Variants in LPCAT2 observed in about 807,000 individuals in gnomAD.
The protein encoded by LPCAT2 is lysophosphatidylcholine acyltransferase 2.
In LPCAT2, 58 loss-of-function variants were observed where a neutral mutation model predicts 64.7. The observed-to-expected ratio is 0.90, with a 90% CI of 0.73 to 1.12. LPCAT2 has a LOEUF of 1.12. Among genes scored for constraint, LPCAT2 ranks in the 50% most tolerant of loss-of-function variants. The pLI is 0.00. For synonymous variants in LPCAT2, 252 were observed against 245.3 expected (o/e 1.03, Z -0.26); for missense variants, 579 against 669.8 (o/e 0.86, Z 1.50).
At position 55,540,960 on chromosome 16, in the gene LPCAT2, A is replaced by G. The variant is rs541849239; in HGVS notation, c.852+3328A>G. 2.0e-5 allele frequency: 3 copies of G among 152,898 alleles called. No homozygotes were observed. In the East Asian group the frequency reaches 5.7e-4, roughly 29 times the overall value. 9.5% of individuals were successfully genotyped at this position (152,898 alleles called of 1,614,324 possible). A position where few individuals can be genotyped will look rare whatever the true frequency, so the allele number is the denominator to read the frequency against. ...TGAATGTGGTCTCTCTCTCTCTGTC[A>G]ACATCTCATTGTACTATATTCATCC... On this transcript the variant is annotated intron_variant, in intron 8 of 13. Transcript: ENST00000262134.
chr16:55,530,623 T>C (rs1417080476), intron 4 of LPCAT2, among the ~76,000 whole-genome samples: 1 of 152,104 alleles, frequency 6.6e-6, no homozygotes, highest in Non-Finnish European at 1.5e-5. Context: ...CCACACATGA[T>C]GACATGAAGA....
intron 1 of LPCAT2, among the ~76,000 whole-genome samples, chr16:55,513,634 G>A (rs766031981): frequency 1.4e-4 from 21 of 152,082 alleles, no homozygotes; most frequent in Non-Finnish European, 2.5e-4. Context: ...AGTAGGCTTC[G>A]TTACAGTTTA....
intron 11 of LPCAT2, among the ~76,000 whole-genome samples, chr16:55,558,199 T>G (rs1465963960): frequency 6.6e-6 from 1 of 152,208 alleles, no homozygotes; most frequent in Non-Finnish European, 1.5e-5. Context: ...TAATTCAGAT[T>G]AAGAGTAGAC....
At chr16:55,513,485 GAA>G (rs1421157313) in intron 1 of LPCAT2, among the ~76,000 whole-genome samples, 2 of 149,844 alleles carry the variant, frequency 1.3e-5, no homozygotes, top group African/African-American at 4.9e-5. Context: ...AAAGGCCTCT[GAA>G]AATTATCTTC....
chr16:55,514,692 T>C (rs1307277439), intron 1 of LPCAT2, among the ~76,000 whole-genome samples: 1 of 152,214 alleles, frequency 6.6e-6, no homozygotes, highest in Non-Finnish European at 1.5e-5. Flanking sequence ...AAACAAAGTA[T>C]AGCTTATAAA....
intron 2 of LPCAT2, among the ~76,000 whole-genome samples, chr16:55,527,171 A>T (rs1963182429): frequency 6.6e-6 from 1 of 152,130 alleles, no homozygotes; most frequent in Admixed American, 6.6e-5. Context: ...ACTTCTTTGG[A>T]ACTAGTTGCT....
At chr16:55,534,411 G>T (rs769499536) in intron 6 of LPCAT2, 32 bp from the exon 7 acceptor site, 3 of 1,426,354 alleles carry the variant, frequency 2.1e-6, no homozygotes, top group South Asian at 2.5e-5. Context: ...TTTTCCTCCA[G>T]ACCAACAGCT....
At chr16:55,546,316 AG>A (rs1963452873) in intron 9 of LPCAT2, among the ~76,000 whole-genome samples, 2 of 152,312 alleles carry the variant, frequency 1.3e-5, no homozygotes, top group Non-Finnish European at 2.9e-5. Flanking sequence ...CCTGCACATA[AG>A]GGAGTTCTAA....
At chr16:55,582,269 C>T (rs139607263) in intron 13 of LPCAT2, among the ~76,000 whole-genome samples, 108 of 152,304 alleles carry the variant, frequency 7.1e-4, no homozygotes, top group Middle Eastern at 3.4e-3. Context: ...CTACCTCTCT[C>T]TTAAAGAAGG....
At chr16:55,581,523 G>A (rs1963886284) in intron 13 of LPCAT2, among the ~76,000 whole-genome samples, 1 of 152,116 alleles carries the variant, frequency 6.6e-6, no homozygotes, top group Non-Finnish European at 1.5e-5. Context: ...TGTTGCCCAG[G>A]CTGGAGTGCA....
rs1963228826 is a variant in LPCAT2 at position 55,529,895 on chromosome 16, A to G, written c.590A>G (p.Asn197Ser). 1 of 1,500,478 alleles carries G rather than the reference A, an allele frequency of 6.7e-7. No homozygotes were observed. The highest frequency in any genetic ancestry group is 8.9e-7 in the Non-Finnish European group (1 of 1,122,478). 92.9% of individuals were successfully genotyped at this position (1,500,478 alleles called of 1,614,324 possible). A position where few individuals can be genotyped will look rare whatever the true frequency, so the allele number is the denominator to read the frequency against. Reference sequence around the variant, plus strand: ...CGTGTAGATCCGGATTCCCGAAAAAACACAATAAATGAAATAATAAAGCGA... The same window carrying G: ...CGTGTAGATCCGGATTCCCGAAAAAGCACAATAAATGAAATAATAAAGCGA... ...VSRVDPDSRK[N>S]TINEIIKRTT... Residue 197 changes from asparagine (N) to serine (S), a missense_variant, in exon 4 of 14, where the codon AAC (asparagine) becomes AGC (serine). Physicochemically the swap from Asn to Ser is conservative, Grantham distance 46 (BLOSUM62 1). Coordinates refer to ENST00000262134, the MANE Select transcript of LPCAT2 (RefSeq NM_017839.5).
intron 4 of LPCAT2, 90 bp downstream of exon 4, chr16:55,530,037 T>C: frequency 1.1e-6 from 1 of 884,140 alleles, no homozygotes; most frequent in Non-Finnish European, 1.7e-6. Flanking sequence ...CAGATAGCAA[T>C]ATCTGTGGAC....
intron 2 of LPCAT2, among the ~76,000 whole-genome samples, chr16:55,527,723 T>A (rs1423297873): frequency 6.6e-6 from 1 of 152,178 alleles, no homozygotes; most frequent in Admixed American, 6.5e-5. Context: ...AAAGGTTTTT[T>A]AAAAAAGTAG....
At chr16:55,514,520 A>C (rs547543501) in intron 1 of LPCAT2, among the ~76,000 whole-genome samples, 1 of 152,370 alleles carries the variant, frequency 6.6e-6, no homozygotes, top group African/African-American at 2.4e-5. Context: ...GACAAAGAAT[A>C]AAAGCTTTAC....
Position 55,584,347 on chromosome 16 carries a change from C to G in LPCAT2, c.*1249C>G, listed in dbSNP as rs1165510372. The G allele has an allele frequency of 1.3e-5, 2 of 152,162 alleles. No homozygotes were observed. Among genetic ancestry groups the G allele is most frequent in the South Asian group, 2.1e-4 (1 of 4,816 alleles). The allele number at this position is 152,162 out of a possible 1,614,324, so 9.4% of individuals were successfully genotyped here. ...AACACAAAAGGTTTCAAGGTATCAC[C>G]CAAAGCTAGGGAATCAACAAACGTA... On this transcript the variant is annotated 3_prime_UTR_variant, in exon 14 of 14. Transcript: ENST00000262134.
intron 7 of LPCAT2, among the ~76,000 whole-genome samples, chr16:55,534,793 T>C (rs1204096594): frequency 6.6e-6 from 1 of 152,178 alleles, no homozygotes; most frequent in East Asian, 1.9e-4. Context: ...TTTGTAGTTT[T>C]ATTTCCATTG....
chr16:55,538,399 A>G (rs1358610593), intron 8 of LPCAT2: 2 of 152,182 alleles, frequency 1.3e-5, no homozygotes, highest in Non-Finnish European at 2.9e-5. Context: ...TGCCTGTGTC[A>G]TGCAGAGTTC....
chr16:55,535,827 A>G (rs2142386325), intron 7 of LPCAT2, among the ~76,000 whole-genome samples: 1 of 152,276 alleles, frequency 6.6e-6, no homozygotes, highest in Non-Finnish European at 1.5e-5. Flanking sequence ...TTGGTTGCCC[A>G]GCAGTCCAGG....
At chr16:55,512,187 A>G (rs1323960848) in intron 1 of LPCAT2, among the ~76,000 whole-genome samples, 3 of 152,194 alleles carry the variant, frequency 2.0e-5, no homozygotes, top group African/African-American at 7.2e-5. Context: ...AGGAAATAAG[A>G]CTGATAGCAT....
Sources: gnomAD v4.1 joint callset for allele counts (sites outside exome capture counted in the v4.1 genomes callset) on GRCh38, gnomAD v4.1.1 for gene constraint, MANE v1.5 for transcripts, NCBI Gene and HGNC (gene_info 2026-07-23, HGNC 2026-07-21) for gene names.